The following ARHGAP25 variants were observed in gnomAD, a reference collection of about 807,000 sequenced individuals.
ARHGAP25 encodes the protein rho GTPase-activating protein 25.
ARHGAP25 carries 34 observed loss-of-function variants against 71.0 expected under a neutral mutation model. That is an observed-to-expected ratio of 0.48 (90% CI 0.36 to 0.64). ARHGAP25 has a LOEUF of 0.64. ARHGAP25 is among the 30% of genes least tolerant of loss of function. The pLI, the probability that ARHGAP25 is intolerant of heterozygous loss-of-function variation, is 0.00. For synonymous variants in ARHGAP25, 282 were observed against 296.5 expected, an observed-to-expected ratio of 0.95 and a Z score of 0.50; for missense variants, 706 against 805.1, an observed-to-expected ratio of 0.88 and a Z score of 1.49.
chr2:68,806,126 CA>C (rs1680346033), intron 4 of ARHGAP25, among the ~76,000 whole-genome samples: 1 of 152,198 alleles, frequency 6.6e-6, no homozygotes, highest in Non-Finnish European at 1.5e-5. Context: ...AAGCAATTTG[CA>C]TGCCATCAAG....
intron 5 of ARHGAP25, among the ~76,000 whole-genome samples, chr2:68,811,718 C>T (rs1190325651): frequency 3.3e-5 from 5 of 152,216 alleles, no homozygotes; most frequent in Non-Finnish European, 5.9e-5. Context: ...AGCACCAAGA[C>T]AGAGCTTTAC....
chr2:68,816,419 T>C (rs1290441740), intron 7 of ARHGAP25, 57 bp downstream of exon 7: 1 of 1,417,796 alleles, frequency 7.1e-7, no homozygotes, highest in Admixed American at 1.7e-5. Flanking sequence ...AAGAAGCTCC[T>C]AGTTAGAAGA....
At chr2:68,736,842 C>A (rs961332496) in intron 1 of ARHGAP25, among the ~76,000 whole-genome samples, 1 of 152,100 alleles carries the variant, frequency 6.6e-6, no homozygotes, top group African/African-American at 2.4e-5. Context: ...TGCATTTTGA[C>A]AAGCACCCCC....
intron 4 of ARHGAP25, among the ~76,000 whole-genome samples, chr2:68,791,610 C>A (rs772478920): frequency 2.6e-5 from 4 of 152,064 alleles, no homozygotes; most frequent in African/African-American, 4.8e-5. Context: ...TAGACACAAA[C>A]AATTTTGCTT....
chr2:68,766,933 C>A (rs1051584648), intron 1 of ARHGAP25, among the ~76,000 whole-genome samples: 1 of 152,190 alleles, frequency 6.6e-6, no homozygotes, highest in Non-Finnish European at 1.5e-5. Flanking sequence ...AAAGCAGATT[C>A]TTTTCCTTTA....
At position 68,771,106 on chromosome 2, in the gene ARHGAP25, G is replaced by A. The variant is rs979892447; in HGVS notation, c.62-4115G>A. Among the ~76,000 whole-genome samples the A allele has an allele frequency of 1.7e-4, 26 of 152,316 alleles. No individual in the cohort carries two copies. The East Asian group carries it at 5.0e-3, about 29-fold the overall frequency. On this transcript the variant is annotated intron_variant, in intron 1 of 10. Transcript: ENST00000409202. ...TGTAACCTATTTAATTCATTTAAATGTACACAGCCACTTATGGTTAGTGGC... is the reference window on the plus strand; with the variant it reads ...TGTAACCTATTTAATTCATTTAAATATACACAGCCACTTATGGTTAGTGGC...
chr2:68,770,947 G>A (rs1364196212), intron 1 of ARHGAP25, among the ~76,000 whole-genome samples: 2 of 152,156 alleles, frequency 1.3e-5, no homozygotes, highest in Non-Finnish European at 2.9e-5. Flanking sequence ...TCTGGGAAGT[G>A]CTGACCAGCA....
rs1457372420 is a variant in ARHGAP25, at chr2:68,774,915, G to C, written c.62-306G>C. 10 of 1,389,870 alleles carry C rather than the reference G, an allele frequency of 7.2e-6. No homozygotes were observed. In the African/African-American group the frequency reaches 1.2e-4, roughly 16 times the overall value. The allele number at this position is 1,389,870 out of a possible 1,614,324, so 86.1% of individuals were successfully genotyped here. A position where few individuals can be genotyped will look rare whatever the true frequency, so the allele number is the denominator to read the frequency against. ...GCTGTGGCCACTTCCTCTTCAGAAG[G>C]CTCCAGCCAACCTTTCGGTTTGCAG... On this transcript the variant is annotated intron_variant, in intron 1 of 10. Transcript: ENST00000409202.
intron 5 of ARHGAP25, among the ~76,000 whole-genome samples, chr2:68,808,615 G>A (rs1049066102): frequency 1.3e-5 from 2 of 152,202 alleles, no homozygotes; most frequent in African/African-American, 2.4e-5. Context: ...ACAATAGCCC[G>A]TTATTGGCAT....
intron 9 of ARHGAP25, among the ~76,000 whole-genome samples, chr2:68,821,912 T>TG (rs1437749225): frequency 2.0e-5 from 3 of 149,864 alleles, no homozygotes; most frequent in African/African-American, 7.4e-5. Context: ...GCTAGTTTTT[T>TG]TTTTTTTTTT....
chr2:68,822,766 A>G lies in ARHGAP25; in HGVS notation c.1627A>G (p.Lys543Glu). ...TCCAAACTCTGAAACTGGGCCTGGA[A>G]AAAAGAACTCTGGAGAAGAGGAAAT... ...ASPNSETGPGKKNSGEEEIDS... is the reference protein window; with the variant it reads ...ASPNSETGPGEKNSGEEEIDS... The change falls in exon 10 of 11, where the codon AAA becomes GAA. Residue 543 changes from lysine (K) to glutamate (E), a missense_variant. Physicochemically the swap from Lys to Glu is moderately conservative, Grantham distance 56 (BLOSUM62 1). Transcript: ENST00000409202. 12 of 1,614,242 alleles carry G rather than the reference A, an allele frequency of 7.4e-6. No individual in the cohort carries two copies. The highest frequency in any genetic ancestry group is 1.0e-5 in the Non-Finnish European group (12 of 1,180,040).
intron 1 of ARHGAP25, among the ~76,000 whole-genome samples, chr2:68,741,288 C>G (rs950815521): frequency 5.9e-5 from 9 of 152,320 alleles, no homozygotes; most frequent in African/African-American, 1.9e-4. Flanking sequence ...ATGGAGAACG[C>G]CAGCAACTTC....
chr2:68,775,561 C>A, intron 2 of ARHGAP25, 141 bp downstream of exon 2: 1 of 1,297,196 alleles, frequency 7.7e-7, no homozygotes, highest in Non-Finnish European at 1.1e-6. Flanking sequence ...TTTCCCTTTA[C>A]ACCATTTTCT....
At chr2:68,798,154 T>A (rs1352834750) in intron 4 of ARHGAP25, among the ~76,000 whole-genome samples, 1 of 152,246 alleles carries the variant, frequency 6.6e-6, no homozygotes, top group African/African-American at 2.4e-5. Context: ...ACAGGAAGCA[T>A]ACTGTATGTA....
intron 2 of ARHGAP25, among the ~76,000 whole-genome samples, chr2:68,719,159 C>T (rs77833300): frequency 6.6e-6 from 1 of 152,072 alleles, no homozygotes. Context: ...AAGAAAATGG[C>T]AAACACAATA....
intron 4 of ARHGAP25, among the ~76,000 whole-genome samples, chr2:68,795,532 T>C (rs553718915): frequency 6.6e-6 from 1 of 152,300 alleles, no homozygotes; most frequent in Admixed American, 6.5e-5. Flanking sequence ...CAATGATCAT[T>C]CGGTAGCATG....
chr2:68,788,003 A>C, intron 4 of ARHGAP25, 47 bp downstream of exon 4: 31 of 1,457,644 alleles, frequency 2.1e-5, no homozygotes, highest in Non-Finnish European at 2.8e-5. Flanking sequence ...ATGACATCTC[A>C]GAAAGTAGGA....
chr2:68,771,739 T>C (rs1677502977), intron 1 of ARHGAP25, among the ~76,000 whole-genome samples: 2 of 152,226 alleles, frequency 1.3e-5, no homozygotes, highest in Admixed American at 1.3e-4. Flanking sequence ...TGTGGAACTT[T>C]GTACTGAGCT....
At chr2:68,764,878 C>CA (rs1298548600) in intron 1 of ARHGAP25, among the ~76,000 whole-genome samples, 3 of 152,310 alleles carry the variant, frequency 2.0e-5, no homozygotes, top group South Asian at 2.1e-4. Context: ...GTCTTCCCCC[C>CA]AAATGGCATG....
Sources: allele counts gnomAD v4.1 joint callset (sites outside exome capture counted in the v4.1 genomes callset), GRCh38; gene constraint gnomAD v4.1.1; transcripts MANE v1.5; gene names NCBI Gene and HGNC (gene_info 2026-07-23, HGNC 2026-07-21).